The following XYLT1 variants were observed in gnomAD, a reference collection of about 807,000 sequenced individuals.
XYLT1 encodes the protein beta-D-xylosyltransferase 1.
XYLT1 carries 36 observed loss-of-function variants against 91.3 expected under a neutral mutation model. That is an observed-to-expected ratio of 0.39 (90% CI 0.30 to 0.52). XYLT1 has a LOEUF of 0.52. Ranked by LOEUF, XYLT1 falls within the 20% of genes least tolerant of loss-of-function variation. The probability of loss-of-function intolerance (pLI) is 0.68; values close to 1 mark genes in which losing one functional copy is unlikely to be tolerated. For synonymous variants in XYLT1, 588 were observed against 532.0 expected, an observed-to-expected ratio of 1.11 and a Z score of -1.45; for missense variants, 1,242 against 1,284.5, an observed-to-expected ratio of 0.97 and a Z score of 0.51.
chr16:17,179,255 G>C (rs1187514956), intron 5 of XYLT1, among the ~76,000 whole-genome samples: 1 of 152,054 alleles, frequency 6.6e-6, no homozygotes. Context: ...GGAGGGTGAG[G>C]ATCGAAAAAC....
intron 8 of XYLT1, among the ~76,000 whole-genome samples, chr16:17,137,016 C>G (rs1352707792): frequency 6.6e-6 from 1 of 152,076 alleles, no homozygotes; most frequent in Non-Finnish European, 1.5e-5. Context: ...CAAACATTCC[C>G]CTGCAACCCT....
At chr16:17,343,520 G>A (rs910551679) in intron 2 of XYLT1, among the ~76,000 whole-genome samples, 3 of 152,286 alleles carry the variant, frequency 2.0e-5, no homozygotes, top group Middle Eastern at 3.4e-3. Flanking sequence ...ACCCAGGCTG[G>A]AGTGCAGTAG....
intron 2 of XYLT1, among the ~76,000 whole-genome samples, chr16:17,347,793 C>T (rs1347356466): frequency 6.6e-6 from 1 of 152,228 alleles, no homozygotes; most frequent in Non-Finnish European, 1.5e-5. Context: ...ACTGAAGAGA[C>T]TGTACAAAGA....
At chr16:17,128,681 T>C (rs2030349738) in intron 9 of XYLT1, among the ~76,000 whole-genome samples, 1 of 152,186 alleles carries the variant, frequency 6.6e-6, no homozygotes. Context: ...TGGTTTGTTG[T>C]TTTAAAATGC....
At chr16:17,255,086 C>T (rs1447786247) in intron 3 of XYLT1, among the ~76,000 whole-genome samples, 5 of 150,854 alleles carry the variant, frequency 3.3e-5, no homozygotes, top group Non-Finnish European at 7.4e-5. Flanking sequence ...AACCTCTGCC[C>T]CTTGGGTTCA....
chr16:17,433,403 A>C (rs191373450), intron 1 of XYLT1, among the ~76,000 whole-genome samples: 2 of 152,176 alleles, frequency 1.3e-5, no homozygotes, highest in Non-Finnish European at 2.9e-5. Flanking sequence ...TTTTGGGAAA[A>C]ACAATATTTC....
intron 2 of XYLT1, among the ~76,000 whole-genome samples, chr16:17,337,813 C>T (rs1334146017): frequency 8.0e-6 from 1 of 124,572 alleles, no homozygotes; most frequent in African/African-American, 3.1e-5. Flanking sequence ...CAGAGTCTTG[C>T]TCTGTCACCC....
chr16:17,117,533 C>T (rs1200359644), intron 11 of XYLT1, 113 bp downstream of exon 11: 4 of 1,156,520 alleles, frequency 3.5e-6, no homozygotes, highest in East Asian at 2.5e-5. Flanking sequence ...GAGTGCTGTT[C>T]TGTGAGGCCG....
intron 3 of XYLT1, chr16:17,250,285 ATGGCCC>A (rs1279558220): frequency 6.6e-6 from 1 of 152,252 alleles, no homozygotes; most frequent in Non-Finnish European, 1.5e-5. Flanking sequence ...CTATTTTGGC[ATGGCCC>A]TTGAGCTAAG....
At chr16:17,141,096 C>A in intron 7 of XYLT1, 57 bp downstream of exon 7, 1 of 1,554,292 alleles carries the variant, frequency 6.4e-7, no homozygotes, top group Non-Finnish European at 8.8e-7. Flanking sequence ...ATCTGCTTTG[C>A]CACAAAGGCT....
At chr16:17,206,012 C>T (rs893273222) in intron 3 of XYLT1, among the ~76,000 whole-genome samples, 1 of 152,134 alleles carries the variant, frequency 6.6e-6, no homozygotes, top group Non-Finnish European at 1.5e-5. Flanking sequence ...AGCCCAGCTT[C>T]TATGCTGCCT....
intron 1 of XYLT1, among the ~76,000 whole-genome samples, chr16:17,388,446 T>A (rs60153503): frequency 0.098 from 14,966 of 152,158 alleles, 1,036 homozygotes; most frequent in African/African-American, 0.2. Flanking sequence ...AGGAACTAGT[T>A]AAGGGAACAA....
intron 2 of XYLT1, among the ~76,000 whole-genome samples, chr16:17,316,428 T>A (rs992578359): frequency 6.6e-6 from 1 of 152,060 alleles, no homozygotes; most frequent in African/African-American, 2.4e-5. Context: ...AGACAGTCTC[T>A]CTCTGTCGCC....
intron 6 of XYLT1, among the ~76,000 whole-genome samples, chr16:17,152,950 A>G (rs966969417): frequency 2.0e-5 from 3 of 152,236 alleles, no homozygotes; most frequent in Non-Finnish European, 4.4e-5. Context: ...TCAATACCTA[A>G]CTTTCATCAC....
rs186501405 is a variant in XYLT1, at chr16:17,353,418, G to T, written c.402+4594C>A. Among the ~76,000 whole-genome samples, 908 of 152,272 alleles carry T rather than the reference G, an allele frequency of 6.0e-3. 3 individuals carry two copies. Among genetic ancestry groups the T allele is most frequent in the Non-Finnish European group, 0.01 (695 of 68,008 alleles). ...GCAAGAGACCTTGCCAGTTGGAGTG[G>T]ATTCAGAAATGATCAACTGTCTTGG... On this transcript the variant is annotated intron_variant, in intron 2 of 11. Coordinates refer to ENST00000261381, the MANE Select transcript of XYLT1 (RefSeq NM_022166.4).
intron 1 of XYLT1, among the ~76,000 whole-genome samples, chr16:17,459,034 T>C (rs1258064596): frequency 6.6e-6 from 1 of 152,136 alleles, no homozygotes; most frequent in African/African-American, 2.4e-5. Context: ...GTTTGTATCA[T>C]ATGGTTTTGT....
chr16:17,150,744 G>A (rs1004005698), intron 6 of XYLT1, among the ~76,000 whole-genome samples: 2 of 152,132 alleles, frequency 1.3e-5, no homozygotes, highest in Admixed American at 1.3e-4. Flanking sequence ...CGAGAAATAT[G>A]AAACACAAAT....
At chr16:17,297,772 A>G (rs1481384824) in intron 2 of XYLT1, among the ~76,000 whole-genome samples, 1 of 152,122 alleles carries the variant, frequency 6.6e-6, no homozygotes, top group Non-Finnish European at 1.5e-5. Flanking sequence ...CTGTAATCCC[A>G]CCACTTTGGG....
At chr16:17,141,448 C>T in intron 6 of XYLT1, 79 bp from the exon 7 acceptor site, 1 of 1,398,098 alleles carries the variant, frequency 7.2e-7, no homozygotes, top group Non-Finnish European at 9.8e-7. Flanking sequence ...TAAAACAACA[C>T]AATCATAGCG....
Sources: gnomAD v4.1 joint callset for allele counts (sites outside exome capture counted in the v4.1 genomes callset) on GRCh38, gnomAD v4.1.1 for gene constraint, MANE v1.5 for transcripts, NCBI Gene and HGNC (gene_info 2026-07-23, HGNC 2026-07-21) for gene names.